The following FOXP2 variants were observed in gnomAD, a reference collection of about 807,000 sequenced individuals.
FOXP2 encodes the protein forkhead box P2.
Under a neutral mutation model 115.8 loss-of-function variants are expected in FOXP2, and 12 were observed. That is an observed-to-expected ratio of 0.10 (90% confidence interval 0.07 to 0.17). The LOEUF is 0.17. Among genes scored for constraint, FOXP2 ranks in the 10% least tolerant of loss-of-function variants. FOXP2 has a pLI of 1.00. For synonymous variants in FOXP2, 328 were observed against 297.7 expected (o/e 1.10, Z -1.05); for missense variants, 629 against 843.5 (o/e 0.75, Z 3.15).
At chr7:114,342,485 A>G (rs1350347538) in intron 2 of FOXP2, among the ~76,000 whole-genome samples, 1 of 151,424 alleles carries the variant, frequency 6.6e-6, no homozygotes, top group Non-Finnish European at 1.5e-5. Flanking sequence ...TTTACTTATA[A>G]AAATGAGAAA....
chr7:114,631,558 T>C lies in FOXP2; in HGVS notation c.628T>C (p.Leu210=), dbSNP rs775445255. The change falls in exon 6 of 17, where the codon TTG becomes CTG. Residue 210 remains leucine, a synonymous_variant. Coordinates refer to ENST00000350908, the MANE Select transcript of FOXP2 (RefSeq NM_014491.4). ...GCAGCAGCAGCAGCAGCAACAGCAA[T>C]TGGCAGCCCAGCAGCTTGTCTTCCA... ...QQQQQQQQQQ[L]AAQQLVFQQQ... is the part of the protein sequence containing the mutation. 1 of 1,589,844 alleles carries C rather than the reference T, an allele frequency of 6.3e-7. No individual in the cohort carries two copies. Among genetic ancestry groups the C allele is most frequent in the South Asian group, 1.1e-5 (1 of 88,046 alleles).
intron 1 of FOXP2, among the ~76,000 whole-genome samples, chr7:114,249,556 A>G (rs2129169154): frequency 6.6e-6 from 1 of 152,286 alleles, no homozygotes; most frequent in East Asian, 1.9e-4. Context: ...TTTCCTTTGT[A>G]TGGCTGCATA....
Position 114,691,943 on chromosome 7 carries a change from G to GAAAAAAAAAAAAAAAAA in FOXP2, c.*2030_*2031insAAAAAAAAAAAAAAAAA. Reference sequence around the variant, plus strand: ...TTCTACCTCTGCAAAAAAAAAAAAAGAAAAAAAAAAAAAGAAAAACATTAG... The same window carrying GAAAAAAAAAAAAAAAAA: ...TTCTACCTCTGCAAAAAAAAAAAAAGAAAAAAAAAAAAAAAAAAAAAAAAAAAAAAGAAAAACATTAG... On this transcript the variant is annotated 3_prime_UTR_variant, in exon 17 of 17. Transcript: ENST00000350908. 2.7e-6 allele frequency: 1 copy of GAAAAAAAAAAAAAAAAA among 364,112 alleles called. No homozygotes were observed. The highest frequency in any genetic ancestry group is 8.5e-5 in the East Asian group (1 of 11,758). 22.6% of individuals were successfully genotyped at this position (364,112 alleles called of 1,614,324 possible).
intron 3 of FOXP2, among the ~76,000 whole-genome samples, chr7:114,574,781 T>C (rs955025023): frequency 6.6e-6 from 1 of 151,904 alleles, no homozygotes; most frequent in Non-Finnish European, 1.5e-5. Context: ...GTCTTTGTCT[T>C]TGGCTCTTAT....
chr7:114,495,568 C>T (rs918194488), intron 2 of FOXP2, among the ~76,000 whole-genome samples: 1 of 126,612 alleles, frequency 7.9e-6, no homozygotes, highest in Non-Finnish European at 1.6e-5. Context: ...TGCAATGTTG[C>T]AATCTCAGCT....
chr7:114,515,336 AG>A (rs1441936044), intron 2 of FOXP2, among the ~76,000 whole-genome samples: 1 of 151,418 alleles, frequency 6.6e-6, no homozygotes, highest in Non-Finnish European at 1.5e-5. Flanking sequence ...TCCCACCAAC[AG>A]TGTAACAGTG....
At chr7:114,117,787 T>C (rs1358396606) in intron 1 of FOXP2, among the ~76,000 whole-genome samples, 6 of 152,122 alleles carry the variant, frequency 3.9e-5, no homozygotes, top group Non-Finnish European at 7.4e-5. Context: ...GTATTTCTCT[T>C]AGTTCTGCTG....
intron 2 of FOXP2, among the ~76,000 whole-genome samples, chr7:114,454,360 C>T (rs1795198171): frequency 6.6e-6 from 1 of 151,990 alleles, no homozygotes; most frequent in Non-Finnish European, 1.5e-5. Flanking sequence ...ATTAAAAAGT[C>T]AGGAAACAAC....
chr7:114,148,978 A>G (rs1792458170), intron 1 of FOXP2, among the ~76,000 whole-genome samples: 1 of 152,064 alleles, frequency 6.6e-6, no homozygotes, highest in Non-Finnish European at 1.5e-5. Context: ...CTCCGTCCCT[A>G]CCCTTACTTC....
intron 1 of FOXP2, among the ~76,000 whole-genome samples, chr7:114,098,827 C>T (rs1206607928): frequency 1.3e-5 from 2 of 152,088 alleles, no homozygotes; most frequent in African/African-American, 4.8e-5. Flanking sequence ...AGGTTAATAT[C>T]CAAAATTTTA....
At chr7:114,535,374 C>G (rs1212378393) in intron 3 of FOXP2, among the ~76,000 whole-genome samples, 1 of 151,122 alleles carries the variant, frequency 6.6e-6, no homozygotes, top group Non-Finnish European at 1.5e-5. Flanking sequence ...TATTTTTTGA[C>G]TGTTTGGAAG....
upstream of FOXP2, among the ~76,000 whole-genome samples, chr7:114,087,405 C>A (rs1799441417): frequency 6.6e-6 from 1 of 152,140 alleles, no homozygotes; most frequent in African/African-American, 2.4e-5. Context: ...TTTTATTCCG[C>A]TTTAGAGAGG....
chr7:114,532,288 T>G (rs1393520721), intron 2 of FOXP2, among the ~76,000 whole-genome samples: 1 of 151,942 alleles, frequency 6.6e-6, no homozygotes, highest in East Asian at 1.9e-4. Flanking sequence ...GTGATAGTTG[T>G]TCTATTCGTT....
chr7:114,444,417 C>G (rs1463280951), intron 2 of FOXP2, among the ~76,000 whole-genome samples: 1 of 152,178 alleles, frequency 6.6e-6, no homozygotes, highest in African/African-American at 2.4e-5. Context: ...GTGATTTCCA[C>G]AACCACAAGT....
rs556519400 is a variant in FOXP2 at position 114,507,545 on chromosome 7, T to A, written c.169-27072T>A. ...AAATAAACAAATTAGGAAATTAATTTTTTCGCAAAAAAATGAAAAGTCTGG... is the reference window on the plus strand; with the variant it reads ...AAATAAACAAATTAGGAAATTAATTATTTCGCAAAAAAATGAAAAGTCTGG... On this transcript the variant is annotated intron_variant, in intron 2 of 16. Transcript: ENST00000350908. 9.9e-5 allele frequency among the ~76,000 whole-genome samples: 15 copies of A among 152,036 alleles called. No individual in the cohort carries two copies. The South Asian group carries it at 3.1e-3, about 32-fold the overall frequency.
chr7:114,508,637 A>T (rs1797934285), intron 2 of FOXP2, among the ~76,000 whole-genome samples: 1 of 152,020 alleles, frequency 6.6e-6, no homozygotes, highest in Non-Finnish European at 1.5e-5. Context: ...TGACCTATTA[A>T]GTTTTAGAAA....
intron 3 of FOXP2, among the ~76,000 whole-genome samples, chr7:114,619,815 A>C (rs1372251426): frequency 6.6e-6 from 1 of 152,112 alleles, no homozygotes; most frequent in African/African-American, 2.4e-5. Context: ...CTTCCCCTGA[A>C]GGACCTCTTC....
At chr7:114,371,288 G>T (rs936061716) in intron 2 of FOXP2, among the ~76,000 whole-genome samples, 2 of 141,918 alleles carry the variant, frequency 1.4e-5, no homozygotes, top group South Asian at 2.3e-4. Flanking sequence ...GTTTTGCCAT[G>T]TTGCACAGGC....
chr7:114,222,285 A>G (rs1476127093), intron 1 of FOXP2, among the ~76,000 whole-genome samples: 2 of 152,150 alleles, frequency 1.3e-5, no homozygotes, highest in East Asian at 3.9e-4. Context: ...TCTCTTGAGT[A>G]GCTGGGACTA....
Sources: gnomAD v4.1 joint callset for allele counts (sites outside exome capture counted in the v4.1 genomes callset) on GRCh38, gnomAD v4.1.1 for gene constraint, MANE v1.5 for transcripts, NCBI Gene and HGNC (gene_info 2026-07-23, HGNC 2026-07-21) for gene names.